Variants in SLC19A1 observed in about 807,000 individuals in gnomAD.
SLC19A1 encodes the protein solute carrier family 19 member 1, also known as reduced folate transporter.
SLC19A1 carries 37 observed loss-of-function variants against 35.3 expected under a neutral mutation model. The ratio of observed to expected loss-of-function variants is 1.05; its 90% CI spans 0.81 to 1.38. The LOEUF (loss-of-function observed/expected upper bound fraction) is 1.38. SLC19A1 is among the 40% of genes most tolerant of loss of function. SLC19A1 has a pLI of 0.00. For missense variants in SLC19A1, 831 were observed against 826.9 expected, an observed-to-expected ratio of 1.00 and a Z score of -0.06; for synonymous variants, 460 against 398.5, an observed-to-expected ratio of 1.15 and a Z score of -1.84.
rs1281424548 is a variant in SLC19A1 at position 45,550,534 on chromosome 21, G to A, written c.-50+12208C>T. ...GAATGGAACTGCATGAAATAAACAG[G>A]GAGATTTGGGCAGGATGGAGCTCAG... On this transcript the variant is annotated intron_variant, in intron 1 of 5. Coordinates refer to the SLC19A1 transcript ENST00000650808. Among the ~76,000 whole-genome samples, 3 of 152,216 alleles carry A rather than the reference G, an allele frequency of 2.0e-5. No individual in the cohort carries two copies. In the East Asian group the frequency reaches 5.8e-4, roughly 29 times the overall value.
chr21:45,552,973 T>C (rs984297434), intron 1 of SLC19A1, among the ~76,000 whole-genome samples: 5 of 151,914 alleles, frequency 3.3e-5, no homozygotes, highest in African/African-American at 1.2e-4. Flanking sequence ...GCGCCCCCCA[T>C]GTGCTCACTT....
chr21:45,551,229 CAA>C (rs1209503674), intron 1 of SLC19A1, among the ~76,000 whole-genome samples: 2 of 151,688 alleles, frequency 1.3e-5, no homozygotes. Flanking sequence ...GCCTGGGCGA[CAA>C]GAGCGAGACT....
intron 5 of SLC19A1, among the ~76,000 whole-genome samples, chr21:45,521,182 C>T (rs73372917): frequency 0.024 from 3,634 of 152,236 alleles, 148 homozygotes; most frequent in African/African-American, 0.084. Context: ...TTCAAGCCTC[C>T]GGAACTGTGA....
Position 45,551,070 on chromosome 21 carries a change from G to GTCCC in SLC19A1, c.-50+11671_-50+11672insGGGA, listed in dbSNP as rs1376861908. ...GTTCTTCACAGTCCCAGCTACGCCT[G>GTCCC]GGTTGGTTGCACTCTCTGTTCCTCT... is the stretch of plus-strand genomic sequence containing the variant. On this transcript the variant is annotated intron_variant, in intron 1 of 5. Coordinates refer to the SLC19A1 transcript ENST00000650808. Among the ~76,000 whole-genome samples the GTCCC allele has an allele frequency of 2.0e-5, 3 of 151,258 alleles. 1 individual carries two copies. Among genetic ancestry groups the GTCCC allele is most frequent in the Non-Finnish European group, 4.4e-5 (3 of 67,916 alleles).
chr21:45,510,993 ACACAACACACCCCCCC>A (rs1568954419), downstream of SLC19A1: 23 of 174,330 alleles, frequency 1.3e-4, 1 homozygote, highest in East Asian at 1.2e-3. Flanking sequence ...CACCCCACAC[ACACAACACACCCCCCC>A]CCCACACATC....
At chr21:45,512,332 C>T (rs746879124), downstream of SLC19A1, 22 of 1,612,482 alleles carry the variant, frequency 1.4e-5, no homozygotes, top group Middle Eastern at 1.6e-4. Flanking sequence ...GGCAGAGTGC[C>T]GCGAGCTGCC....
downstream of SLC19A1, chr21:45,509,531 C>G (rs772512743): frequency 1.3e-6 from 2 of 1,537,980 alleles, no homozygotes; most frequent in South Asian, 2.4e-5. Flanking sequence ...CACCACAGCT[C>G]CTACGTGCAC....
chr21:45,542,207 C>G (rs2078331671), intron 1 of SLC19A1, among the ~76,000 whole-genome samples, 161 bp downstream of exon 1: 1 of 147,426 alleles, frequency 6.8e-6, no homozygotes, highest in African/African-American at 2.5e-5. Flanking sequence ...CCGGCCCACG[C>G]CCCGCACCCT....
At chr21:45,538,030 G>C in intron 1 of SLC19A1, 22 bp from the exon 2 acceptor site, 1 of 1,331,542 alleles carries the variant, frequency 7.5e-7, no homozygotes, top group East Asian at 2.7e-5. Context: ...GGTGGAGTCA[G>C]GGCACCTTGG....
At chr21:45,504,284 T>C in intron 3 of SLC19A1, 1 of 978,454 alleles carries the variant, frequency 1.0e-6, no homozygotes, top group Middle Eastern at 3.0e-4. Flanking sequence ...AGCCCTATTC[T>C]ATGCAGCCAG....
intron 1 of SLC19A1, among the ~76,000 whole-genome samples, chr21:45,560,782 G>C (rs1441612472): frequency 1.3e-5 from 2 of 152,268 alleles, no homozygotes; most frequent in Admixed American, 6.5e-5. Context: ...AGGCCAAACA[G>C]ACAAACAAGA....
At chr21:45,527,727 C>T (rs1392293899) in intron 4 of SLC19A1, among the ~76,000 whole-genome samples, 2 of 104,838 alleles carry the variant, frequency 1.9e-5, no homozygotes, top group Admixed American at 9.7e-5. Context: ...TCAGTTACTG[C>T]GGGCCCTGGA....
chr21:45,547,919 T>C (rs1270668481), upstream of SLC19A1, among the ~76,000 whole-genome samples: 4 of 152,250 alleles, frequency 2.6e-5, no homozygotes, highest in Admixed American at 1.3e-4. Context: ...TCTCCCCAAA[T>C]TGATCCATAG....
upstream of SLC19A1, among the ~76,000 whole-genome samples, chr21:45,547,298 C>T (rs1460222451): frequency 6.6e-6 from 1 of 152,190 alleles, no homozygotes; most frequent in African/African-American, 2.4e-5. Context: ...AACTTCTAAG[C>T]CCCCAACCGT....
upstream of SLC19A1, among the ~76,000 whole-genome samples, chr21:45,544,754 C>T (rs1486296612): frequency 6.6e-6 from 1 of 152,134 alleles, no homozygotes; most frequent in African/African-American, 2.4e-5. Flanking sequence ...CCCTTCCCCT[C>T]CTGGAGGGGC....
Position 45,515,155 on chromosome 21 carries a change from AC to A in SLC19A1, c.*502del, listed in dbSNP as rs1312438048. 1 of 1,494,686 alleles carries A rather than the reference AC, an allele frequency of 6.7e-7. No homozygotes were observed. The highest frequency in any genetic ancestry group is 1.8e-5 in the African/African-American group (1 of 57,002). The allele number at this position is 1,494,686 out of a possible 1,614,324, so 92.6% of individuals were successfully genotyped here. A position where few individuals can be genotyped will look rare whatever the true frequency, so the allele number is the denominator to read the frequency against. On this transcript the variant is annotated 3_prime_UTR_variant, in exon 6 of 6. Transcript: ENST00000311124. The stretch of plus-strand genomic sequence containing the variant: ...GAAGCCACATGCAGTTCTTCATTCT[AC>A]GTCAGTTAAAAAAAAAAAAAGCATC...
chr21:45,531,750 G>A lies in SLC19A1; in HGVS notation c.588C>T (p.Ser196=), dbSNP rs1456769935. 2 of 1,612,026 alleles carry A rather than the reference G, an allele frequency of 1.2e-6. No individual in the cohort carries two copies. Among genetic ancestry groups the A allele is most frequent in the Non-Finnish European group, 1.7e-6 (2 of 1,179,242 alleles). The change falls in exon 3 of 6, where the codon AGC becomes AGT. Residue 196 remains serine (S), a synonymous_variant. Transcript: ENST00000311124. ...NYISLAFLTF[S]VVLALFLKRP... Reference sequence around the variant, plus strand: ...GCTTCAGGAAGAGGGCGAGGACCACGCTGAAGGTGAGGAAGGCCAGCGAGA... The same window carrying A: ...GCTTCAGGAAGAGGGCGAGGACCACACTGAAGGTGAGGAAGGCCAGCGAGA...
intron 3 of SLC19A1, chr21:45,507,045 T>A: frequency 3.1e-6 from 1 of 318,612 alleles, no homozygotes; most frequent in Non-Finnish European, 6.2e-6. Flanking sequence ...GGGGATGGCA[T>A]CCTAGCAAAC....
downstream of SLC19A1, among the ~76,000 whole-genome samples, chr21:45,508,810 G>A (rs1430022798): frequency 6.6e-6 from 1 of 152,140 alleles, no homozygotes; most frequent in Non-Finnish European, 1.5e-5. Context: ...ACACAGCCTG[G>A]CCCTGTGGAG....
Sources: allele counts gnomAD v4.1 joint callset (sites outside exome capture counted in the v4.1 genomes callset), GRCh38; gene constraint gnomAD v4.1.1; transcripts MANE v1.5; gene names NCBI Gene and HGNC (gene_info 2026-07-23, HGNC 2026-07-21).